PPP1R12B: variants seen among roughly 807,000 people sequenced by gnomAD.
PPP1R12B encodes protein phosphatase 1 regulatory subunit 12B.
PPP1R12B carries 76 observed loss-of-function variants against 126.1 expected under a neutral mutation model. That is an observed-to-expected ratio of 0.60 (90% CI 0.50 to 0.73). PPP1R12B has a LOEUF of 0.73. PPP1R12B is among the 30% of genes least tolerant of loss of function. The pLI is 0.00. For missense variants in PPP1R12B, 1,052 were observed against 1,205.1 expected, an observed-to-expected ratio of 0.87 and a Z score of 1.88; for synonymous variants, 356 against 434.7, an observed-to-expected ratio of 0.82 and a Z score of 2.25.
intron 1 of PPP1R12B, among the ~76,000 whole-genome samples, chr1:202,403,547 G>A (rs12118286): frequency 0.12 from 17,579 of 152,208 alleles, 1,257 homozygotes; most frequent in Middle Eastern, 0.17. Flanking sequence ...TGCCTTGCCA[G>A]GCCCATGCCA....
chr1:202,432,495 G>A (rs1262880386), intron 8 of PPP1R12B, among the ~76,000 whole-genome samples: 91 of 152,138 alleles, frequency 6.0e-4, no homozygotes, highest in African/African-American at 2.0e-3. Context: ...TCAAACTCCC[G>A]ACCTCAAGTG....
At chr1:202,516,460 A>C (rs1682159409) in intron 18 of PPP1R12B, among the ~76,000 whole-genome samples, 1 of 152,180 alleles carries the variant, frequency 6.6e-6, no homozygotes, top group African/African-American at 2.4e-5. Context: ...GATGTTGCTG[A>C]CTTGTGAGAG....
intron 1 of PPP1R12B, among the ~76,000 whole-genome samples, chr1:202,412,822 TAAATA>T (rs1383479607): frequency 2.0e-5 from 3 of 152,106 alleles, no homozygotes; most frequent in Non-Finnish European, 4.4e-5. Flanking sequence ...AAAAGAAAAA[TAAATA>T]AAATAAAAAT....
intron 1 of PPP1R12B, among the ~76,000 whole-genome samples, chr1:202,394,235 G>T (rs1571795380): frequency 6.6e-6 from 1 of 151,674 alleles, no homozygotes; most frequent in Non-Finnish European, 1.5e-5. Flanking sequence ...CTGAGATCGC[G>T]CCAGCCAAGA....
chr1:202,437,738 G>C (rs1671021539), intron 9 of PPP1R12B, 83 bp from the exon 10 acceptor site: 12 of 1,273,198 alleles, frequency 9.4e-6, no homozygotes, highest in Admixed American at 2.3e-5. Context: ...GCTGAACTTA[G>C]TTAAGTGTGG....
intron 8 of PPP1R12B, among the ~76,000 whole-genome samples, chr1:202,433,464 A>C (rs887462011): frequency 5.3e-5 from 8 of 152,136 alleles, no homozygotes; most frequent in African/African-American, 1.9e-4. Context: ...CCCTCACTCT[A>C]TCTTTGCCTA....
intron 12 of PPP1R12B, chr1:202,448,359 G>A (rs1461204950): frequency 6.6e-6 from 1 of 152,112 alleles, no homozygotes. Context: ...ATCCGGTTTG[G>A]TTTTTGTTTC....
chr1:202,464,896 T>C (rs1416464717), intron 13 of PPP1R12B, among the ~76,000 whole-genome samples: 1 of 152,116 alleles, frequency 6.6e-6, no homozygotes, highest in African/African-American at 2.4e-5. Context: ...AATATGTCCT[T>C]GAGAGCAAAA....
At chr1:202,359,196 G>A (rs1393844493) in intron 1 of PPP1R12B, among the ~76,000 whole-genome samples, 1 of 151,738 alleles carries the variant, frequency 6.6e-6, no homozygotes, top group Non-Finnish European at 1.5e-5. Context: ...CCAGGCTGGA[G>A]TGCAGTGGTG....
intron 1 of PPP1R12B, among the ~76,000 whole-genome samples, chr1:202,351,010 T>C (rs1275080279): frequency 6.6e-6 from 1 of 152,100 alleles, no homozygotes; most frequent in Non-Finnish European, 1.5e-5. Flanking sequence ...TTCCTTTCCA[T>C]TTATAGGGCT....
chr1:202,408,672 C>A (rs1234659926), intron 1 of PPP1R12B, among the ~76,000 whole-genome samples: 1 of 151,994 alleles, frequency 6.6e-6, no homozygotes, highest in African/African-American at 2.4e-5. Flanking sequence ...GATCACACTC[C>A]CTCTGGTATA....
Position 202,495,637 on chromosome 1 carries a change from C to T in PPP1R12B, c.2403C>T (p.Pro801=). The T allele has an allele frequency of 6.2e-7, 1 of 1,613,926 alleles. No homozygotes were observed. The highest frequency in any genetic ancestry group is 2.2e-5 in the East Asian group (1 of 44,886). ...TGTCCATCCGAGAGAGGAGGCGGCC[C>T]AAGGAACGACGAAGAGGCACAGGCA... is the stretch of plus-strand genomic sequence containing the variant. ...KRLSIRERRR[P]KERRRGTGIN... is the part of the protein sequence containing the mutation. Residue 801 remains proline, a synonymous_variant, in exon 17 of 24, where the codon CCC becomes CCT. Transcript: ENST00000608999.
chr1:202,417,067 A>G (rs1224798319), intron 2 of PPP1R12B, 150 bp downstream of exon 2: 13 of 1,113,458 alleles, frequency 1.2e-5, no homozygotes, highest in African/African-American at 1.6e-5. Flanking sequence ...TCTTTAAGCC[A>G]TAACTAATAC....
chr1:202,367,380 G>C (rs1436037061), intron 1 of PPP1R12B, among the ~76,000 whole-genome samples: 2 of 152,126 alleles, frequency 1.3e-5, no homozygotes, highest in Non-Finnish European at 2.9e-5. Flanking sequence ...TAGGCATTTA[G>C]GTGATTTTCT....
At chr1:202,551,018 T>TTAGG (rs888340425) in intron 18 of PPP1R12B, among the ~76,000 whole-genome samples, 1 of 152,202 alleles carries the variant, frequency 6.6e-6, no homozygotes, top group African/African-American at 2.4e-5. Context: ...TCTAATAATA[T>TTAGG]TAGGTAGCAC....
chr1:202,536,946 G>A (rs1218884490), intron 18 of PPP1R12B, among the ~76,000 whole-genome samples: 1 of 151,850 alleles, frequency 6.6e-6, no homozygotes, highest in Non-Finnish European at 1.5e-5. Flanking sequence ...TGCCTTCTTC[G>A]GAATATCTCC....
intron 18 of PPP1R12B, among the ~76,000 whole-genome samples, chr1:202,536,571 G>A (rs182966249): frequency 6.6e-5 from 10 of 152,184 alleles, no homozygotes; most frequent in Admixed American, 3.3e-4. Context: ...TTAACACTGT[G>A]CACTTAGGCT....
At chr1:202,444,204 T>G (rs528576621) in intron 12 of PPP1R12B, among the ~76,000 whole-genome samples, 4 of 152,324 alleles carry the variant, frequency 2.6e-5, no homozygotes, top group African/African-American at 9.6e-5. Context: ...AGAGTTCATC[T>G]CTTGTGTATA....
At position 202,384,287 on chromosome 1, in the gene PPP1R12B, G is replaced by A. The variant is rs972275271; in HGVS notation, c.292-32500G>A. 3.6e-4 allele frequency among the ~76,000 whole-genome samples: 55 copies of A among 152,172 alleles called. 1 individual carries two copies. The highest frequency in any genetic ancestry group is 6.2e-4 in the South Asian group (3 of 4,834). ...CAGCATTATTCACAATAACCAAAAG[G>A]TGGAAGCAGCCCAAATGTCCATCAA... On this transcript the variant is annotated intron_variant, in intron 1 of 23. Transcript: ENST00000608999.
Sources: allele counts gnomAD v4.1 joint callset (sites outside exome capture counted in the v4.1 genomes callset), GRCh38; gene constraint gnomAD v4.1.1; transcripts MANE v1.5; gene names NCBI Gene and HGNC (gene_info 2026-07-23, HGNC 2026-07-21).